PLXDC1: variants seen among roughly 807,000 people sequenced by gnomAD.
PLXDC1 encodes the protein plexin domain containing 1.
Under a neutral mutation model 61.3 loss-of-function variants are expected in PLXDC1, and 39 were observed. The observed-to-expected ratio is 0.64, with a 90% confidence interval of 0.49 to 0.83. PLXDC1 has a LOEUF of 0.83. PLXDC1 is among the 40% of genes least tolerant of loss of function. The probability of loss-of-function intolerance (pLI) is 0.00; values close to 1 mark genes in which losing one functional copy is unlikely to be tolerated. For missense variants in PLXDC1, 596 were observed against 666.5 expected (o/e 0.89, Z 1.17); for synonymous variants, 212 against 254.5 (o/e 0.83, Z 1.59).
chr17:39,102,022 GA>G (rs1435067899), intron 7 of PLXDC1, among the ~76,000 whole-genome samples: 3 of 152,300 alleles, frequency 2.0e-5, no homozygotes, highest in East Asian at 3.9e-4. Flanking sequence ...AATTTCTGAA[GA>G]GGGGAAAGAA....
chr17:39,118,735 G>A (rs1911070772), intron 2 of PLXDC1, among the ~76,000 whole-genome samples: 1 of 152,134 alleles, frequency 6.6e-6, no homozygotes, highest in African/African-American at 2.4e-5. Flanking sequence ...ATTGGACATA[G>A]GTAATCACAT....
chr17:39,128,103 A>ATATATATATATATATATATATATATG (rs1555573177), intron 2 of PLXDC1, among the ~76,000 whole-genome samples: 5 of 84,900 alleles, frequency 5.9e-5, no homozygotes, highest in African/African-American at 2.0e-4. Flanking sequence ...ATGTGTATAT[A>ATATATATATATATATATATATATATG]TATATATATA....
chr17:39,152,286 C>T (rs2045379204), upstream of PLXDC1, among the ~76,000 whole-genome samples: 1 of 151,986 alleles, frequency 6.6e-6, no homozygotes, highest in Non-Finnish European at 1.5e-5. Flanking sequence ...CCCCTCCCCA[C>T]GAGTAGGTAA....
chr17:39,119,034 T>C (rs549152554), intron 2 of PLXDC1, among the ~76,000 whole-genome samples: 1 of 152,294 alleles, frequency 6.6e-6, no homozygotes, highest in East Asian at 1.9e-4. Flanking sequence ...AATAAACATA[T>C]GATGAATTAA....
intron 11 of PLXDC1, among the ~76,000 whole-genome samples, chr17:39,073,844 G>T (rs1909219322): frequency 1.3e-5 from 2 of 152,178 alleles, no homozygotes; most frequent in South Asian, 4.1e-4. Flanking sequence ...GTCTCTCTTT[G>T]CAATCAAATG....
intron 2 of PLXDC1, 21 bp from the exon 3 acceptor site, chr17:39,109,412 G>A (rs1163662342): frequency 1.9e-5 from 30 of 1,566,654 alleles, no homozygotes; most frequent in East Asian, 7.0e-5. Context: ...CCAAGATAAA[G>A]CCCACAGGAG....
At chr17:39,131,743 T>C (rs1357494268) in intron 2 of PLXDC1, 1 of 152,698 alleles carries the variant, frequency 6.5e-6, no homozygotes, top group Non-Finnish European at 1.5e-5. Flanking sequence ...TCTTCCGGGA[T>C]TGGCCTCCTT....
intron 4 of PLXDC1, chr17:39,108,472 G>A: frequency 1.7e-6 from 1 of 571,820 alleles, no homozygotes; most frequent in Non-Finnish European, 3.1e-6. Flanking sequence ...ACAGACTATA[G>A]GGCGAGGGGG....
chr17:39,147,165 G>C lies in PLXDC1; in HGVS notation c.76+4197C>G, dbSNP rs145020197. On this transcript the variant is annotated intron_variant, in intron 1 of 13. Coordinates refer to ENST00000315392, the MANE Select transcript of PLXDC1 (RefSeq NM_020405.5). ...TAGAGACAGGGTTTCACCATATTGG[G>C]CAGGCTGGTCTCGAACTCCTGACCT... is the stretch of plus-strand genomic sequence containing the variant. 6.7e-3 allele frequency among the ~76,000 whole-genome samples: 1,021 copies of C among 151,986 alleles called. 13 individuals are homozygous for C. The highest frequency in any genetic ancestry group is 0.023 in the African/African-American group (958 of 41,484).
chr17:39,114,162 C>T (rs1370607145), intron 2 of PLXDC1, among the ~76,000 whole-genome samples: 1 of 152,156 alleles, frequency 6.6e-6, no homozygotes, highest in Admixed American at 6.5e-5. Flanking sequence ...TCCCTGATGA[C>T]ATGCTAGAGG....
chr17:39,090,304 T>C (rs1279231067), intron 7 of PLXDC1, among the ~76,000 whole-genome samples: 2 of 151,910 alleles, frequency 1.3e-5, no homozygotes, highest in Non-Finnish European at 2.9e-5. Flanking sequence ...TTGGTGTCAA[T>C]AAAGATTCCC....
chr17:39,115,034 C>T (rs963878328), intron 2 of PLXDC1, among the ~76,000 whole-genome samples: 6 of 152,180 alleles, frequency 3.9e-5, no homozygotes, highest in African/African-American at 9.7e-5. Flanking sequence ...CTTCCTGGCC[C>T]GTTGCTCGGA....
chr17:39,068,033 GAGCC>G (rs1280793803), intron 13 of PLXDC1, 74 bp from the exon 14 acceptor site: 2 of 1,500,906 alleles, frequency 1.3e-6, no homozygotes, highest in African/African-American at 2.8e-5. Context: ...CTGAGCGACA[GAGCC>G]AACCAAGACT....
intron 2 of PLXDC1, among the ~76,000 whole-genome samples, chr17:39,129,091 G>A (rs1298528282): frequency 3.9e-5 from 6 of 152,072 alleles, no homozygotes; most frequent in Non-Finnish European, 7.4e-5. Flanking sequence ...GCCAAGACAG[G>A]TGGATCACTT....
Position 39,065,014 on chromosome 17 carries a change from G to A in PLXDC1, c.*2826C>T, listed in dbSNP as rs1164050026. 6.6e-6 allele frequency: 1 copy of A among 152,190 alleles called. No individual in the cohort carries two copies. Among genetic ancestry groups the A allele is most frequent in the Non-Finnish European group, 1.5e-5 (1 of 68,056 alleles). The allele number at this position is 152,190 out of a possible 1,614,324, so 9.4% of individuals were successfully genotyped here. On this transcript the variant is annotated 3_prime_UTR_variant, in exon 14 of 14. Coordinates refer to ENST00000315392, the MANE Select transcript of PLXDC1 (RefSeq NM_020405.5). ...ATCTCACTCCCCAACTCTAGCACAC[G>A]TTTTCCCACTGGGAGCTCGGCCAAC...
chr17:39,122,616 C>A (rs1911201466), intron 2 of PLXDC1, among the ~76,000 whole-genome samples: 1 of 152,134 alleles, frequency 6.6e-6, no homozygotes, highest in African/African-American at 2.4e-5. Flanking sequence ...ATGCGGAGAC[C>A]TTGCCTGGCA....
At chr17:39,101,240 C>A (rs531916325) in intron 7 of PLXDC1, among the ~76,000 whole-genome samples, 19 of 152,316 alleles carry the variant, frequency 1.2e-4, no homozygotes, top group East Asian at 1.9e-4. Flanking sequence ...ATATCAGAAA[C>A]GCGCAGAAGA....
intron 7 of PLXDC1, among the ~76,000 whole-genome samples, chr17:39,102,622 C>G (rs1910458970): frequency 6.6e-6 from 1 of 152,002 alleles, no homozygotes; most frequent in South Asian, 2.1e-4. Context: ...AAGAATGAGG[C>G]AGCTCACTGT....
Position 39,066,112 on chromosome 17 carries a change from T to G in PLXDC1, c.*1728A>C, listed in dbSNP as rs1005912609. The G allele has an allele frequency of 2.6e-5, 4 of 152,254 alleles. No individual in the cohort carries two copies. The highest frequency in any genetic ancestry group is 5.9e-5 in the Non-Finnish European group (4 of 68,090). 9.4% of individuals were successfully genotyped at this position (152,254 alleles called of 1,614,324 possible). A position where few individuals can be genotyped will look rare whatever the true frequency, so the allele number is the denominator to read the frequency against. On this transcript the variant is annotated 3_prime_UTR_variant, in exon 14 of 14. Coordinates refer to ENST00000315392, the MANE Select transcript of PLXDC1 (RefSeq NM_020405.5). ...AGCCCTCTAGCCACCCGACTTGTCTTTAATGCCTATAAAATCCAGTTCAGA... is the reference window on the plus strand; with the variant it reads ...AGCCCTCTAGCCACCCGACTTGTCTGTAATGCCTATAAAATCCAGTTCAGA...
Sources: allele counts gnomAD v4.1 joint callset (sites outside exome capture counted in the v4.1 genomes callset), GRCh38; gene constraint gnomAD v4.1.1; transcripts MANE v1.5; gene names NCBI Gene and HGNC (gene_info 2026-07-23, HGNC 2026-07-21).